The following CHL1 variants were observed in gnomAD, a reference collection of about 807,000 sequenced individuals.
CHL1 encodes the protein cell adhesion molecule L1 like.
In CHL1, 96 loss-of-function variants were observed where a neutral mutation model predicts 141.9. The ratio of observed to expected loss-of-function variants is 0.68; its 90% CI spans 0.57 to 0.80. The LOEUF is 0.80. Among genes scored for constraint, CHL1 ranks in the 30% least tolerant of loss-of-function variants. The probability of loss-of-function intolerance (pLI) is 0.00; values close to 1 mark genes in which losing one functional copy is unlikely to be tolerated. For missense variants in CHL1, 1,820 were observed against 1,457.2 expected, an observed-to-expected ratio of 1.25 and a Z score of -4.05; for synonymous variants, 613 against 502.2, an observed-to-expected ratio of 1.22 and a Z score of -2.95.
chr3:294,274 A>G (rs1697983201), intron 2 of CHL1, among the ~76,000 whole-genome samples: 1 of 152,134 alleles, frequency 6.6e-6, no homozygotes, highest in South Asian at 2.1e-4. Context: ...AGTCATGATT[A>G]CACCACTGCT....
rs927769370 is a variant in CHL1 at position 382,506 on chromosome 3, G to A, written c.2011G>A (p.Glu671Lys). The change falls in exon 18 of 28, where the codon GAG (glutamate) becomes AAG (lysine). Residue 671 changes from glutamate to lysine, a missense_variant. Coordinates refer to ENST00000256509, the MANE Select transcript of CHL1 (RefSeq NM_006614.4). ...TGTTGAATTTGAAGGAAACAAAGAAGAGCCTGGAAGGTGGGAGGAACTGAC... is the reference window on the plus strand; with the variant it reads ...TGTTGAATTTGAAGGAAACAAAGAAAAGCCTGGAAGGTGGGAGGAACTGAC... ...YIVEFEGNKEEPGRWEELTRV... is the reference protein window; with the variant it reads ...YIVEFEGNKEKPGRWEELTRV... 4 of 1,613,686 alleles carry A rather than the reference G, an allele frequency of 2.5e-6. No individual in the cohort carries two copies. Among genetic ancestry groups the A allele is most frequent in the Non-Finnish European group, 3.4e-6 (4 of 1,179,782 alleles).
chr3:231,391 G>A (rs1335418594), intron 1 of CHL1, among the ~76,000 whole-genome samples: 1 of 151,588 alleles, frequency 6.6e-6, no homozygotes, highest in Non-Finnish European at 1.5e-5. Context: ...GTAGATAATT[G>A]CATATGTACA....
At chr3:214,060 G>C (rs958535705) in intron 1 of CHL1, among the ~76,000 whole-genome samples, 1 of 152,168 alleles carries the variant, frequency 6.6e-6, no homozygotes, top group Non-Finnish European at 1.5e-5. Flanking sequence ...CCTAATGCTT[G>C]CTTAATCGCT....
At chr3:349,638 G>A (rs1703077097) in intron 10 of CHL1, 95 bp downstream of exon 10, 2 of 1,053,460 alleles carry the variant, frequency 1.9e-6, no homozygotes, top group South Asian at 1.6e-5. Flanking sequence ...TGTTAAAACA[G>A]GTCAGCAGTT....
intron 1 of CHL1, among the ~76,000 whole-genome samples, chr3:211,647 T>G (rs1197921997): frequency 1.3e-5 from 2 of 152,172 alleles, no homozygotes; most frequent in African/African-American, 2.4e-5. Context: ...CTGACAAACA[T>G]GAGTAGATGT....
chr3:299,940 C>T (rs1217558324), intron 2 of CHL1, among the ~76,000 whole-genome samples: 3 of 152,200 alleles, frequency 2.0e-5, no homozygotes, highest in Non-Finnish European at 4.4e-5. Flanking sequence ...CTCCTGGCAC[C>T]TCTTCAACAG....
At chr3:329,746 A>G (rs1413247506) in intron 5 of CHL1, among the ~76,000 whole-genome samples, 1 of 152,098 alleles carries the variant, frequency 6.6e-6, no homozygotes, top group Non-Finnish European at 1.5e-5. Context: ...AATTGTTGAA[A>G]TGAAAAAGAC....
intron 1 of CHL1, among the ~76,000 whole-genome samples, chr3:203,437 G>T (rs556965928): frequency 1.3e-5 from 2 of 152,174 alleles, no homozygotes; most frequent in Admixed American, 1.3e-4. Context: ...ACATATCTTC[G>T]CTGGGTAAAA....
chr3:373,468 T>G (rs1705902865), intron 15 of CHL1: 1 of 152,594 alleles, frequency 6.6e-6, no homozygotes, highest in African/African-American at 2.4e-5. Flanking sequence ...CCAGCCTCCC[T>G]GGCTCCAGCA....
chr3:244,829 TA>T (rs1693006283), intron 2 of CHL1, 137 bp downstream of exon 2: 1 of 152,210 alleles, frequency 6.6e-6, no homozygotes, highest in Admixed American at 6.5e-5. Context: ...GGTCTTAGCG[TA>T]GATATGGACC....
At chr3:260,280 A>G (rs1202281450) in intron 2 of CHL1, among the ~76,000 whole-genome samples, 1 of 152,138 alleles carries the variant, frequency 6.6e-6, no homozygotes, top group Non-Finnish European at 1.5e-5. Flanking sequence ...ATAAATAAAT[A>G]AATGTTTGAA....
intron 2 of CHL1, among the ~76,000 whole-genome samples, chr3:313,684 A>T (rs1431164106): frequency 1.3e-5 from 2 of 152,226 alleles, no homozygotes; most frequent in African/African-American, 4.8e-5. Flanking sequence ...GGAATGATCT[A>T]TAATTGTCCA....
intron 2 of CHL1, among the ~76,000 whole-genome samples, chr3:270,021 G>T (rs1025957737): frequency 2.0e-5 from 3 of 152,206 alleles, no homozygotes; most frequent in Non-Finnish European, 4.4e-5. Flanking sequence ...GGCTAGAAGA[G>T]ATGTGATAAT....
At chr3:228,663 A>G (rs950666231) in intron 1 of CHL1, among the ~76,000 whole-genome samples, 5 of 152,210 alleles carry the variant, frequency 3.3e-5, no homozygotes, top group African/African-American at 1.2e-4. Flanking sequence ...CAATTTTATA[A>G]TGGCTCATTA....
intron 1 of CHL1, chr3:217,482 G>T (rs962372282): frequency 5.9e-5 from 9 of 152,104 alleles, no homozygotes; most frequent in African/African-American, 2.2e-4. Context: ...AAAATGGGAG[G>T]AGAAACTTAC....
At chr3:340,458 A>G (rs1429709604) in intron 5 of CHL1, among the ~76,000 whole-genome samples, 2 of 152,248 alleles carry the variant, frequency 1.3e-5, no homozygotes, top group East Asian at 3.8e-4. Flanking sequence ...AAGATTTCAC[A>G]TCTATCAAAG....
intron 4 of CHL1, among the ~76,000 whole-genome samples, chr3:327,953 C>T (rs529188556): frequency 6.6e-6 from 1 of 152,012 alleles, no homozygotes; most frequent in Non-Finnish European, 1.5e-5. Flanking sequence ...AAGCTAATTT[C>T]AATCTTAATC....
chr3:401,296 T>C (rs1709106129), intron 26 of CHL1, among the ~76,000 whole-genome samples: 1 of 152,208 alleles, frequency 6.6e-6, no homozygotes. Context: ...AATAAATATT[T>C]AGTAATTTGG....
At chr3:358,625 C>G (rs1703929948) in intron 11 of CHL1, among the ~76,000 whole-genome samples, 1 of 152,108 alleles carries the variant, frequency 6.6e-6, no homozygotes, top group South Asian at 2.1e-4. Context: ...TGGATTTTCT[C>G]TGGTAGCTGC....
Sources: gnomAD v4.1 joint callset for allele counts (sites outside exome capture counted in the v4.1 genomes callset) on GRCh38, gnomAD v4.1.1 for gene constraint, MANE v1.5 for transcripts, NCBI Gene and HGNC (gene_info 2026-07-23, HGNC 2026-07-21) for gene names.